GREM1: variants seen among roughly 807,000 people sequenced by gnomAD.
The protein encoded by GREM1 is gremlin 1, DAN family BMP antagonist.
GREM1 carries 6 observed loss-of-function variants against 13.1 expected under a neutral mutation model. That is an observed-to-expected ratio of 0.46 (90% CI 0.25 to 0.91). The LOEUF is 0.91. Among genes scored for constraint, GREM1 ranks in the 40% least tolerant of loss-of-function variants. GREM1 has a pLI of 0.18. For missense variants in GREM1, 185 were observed against 233.9 expected, an observed-to-expected ratio of 0.79 and a Z score of 1.36; for synonymous variants, 98 against 93.7, an observed-to-expected ratio of 1.05 and a Z score of -0.27.
In GREM1 at chr15:32,743,542, A is replaced by G. The variant is rs1016079781; in HGVS notation, c.*12297A>G. The G allele has an allele frequency of 6.6e-6, 1 of 152,290 alleles. No individual in the cohort carries two copies. Among genetic ancestry groups the G allele is most frequent in the African/African-American group, 2.4e-5 (1 of 41,460 alleles). 9.4% of individuals were successfully genotyped at this position (152,290 alleles called of 1,614,324 possible). On this transcript the variant is annotated 3_prime_UTR_variant, in exon 2 of 2. Transcript: ENST00000651154. ...TATCTCATGCATTTCTGATATAGAT[A>G]TAGGAGTGACTAATCTGGGTGGTTC...
chr15:32,721,655 G>A (rs2055410253), intron 1 of GREM1, among the ~76,000 whole-genome samples: 1 of 152,086 alleles, frequency 6.6e-6, no homozygotes, highest in Non-Finnish European at 1.5e-5. Context: ...TTGGGAGGCT[G>A]AGGCAGGAGA....
chr15:32,718,924 C>G (rs545253852), intron 1 of GREM1: 10 of 188,700 alleles, frequency 5.3e-5, no homozygotes, highest in East Asian at 2.8e-4. Flanking sequence ...CGCGCACGCC[C>G]GGGCTGAATG....
rs988827848 is a variant in GREM1, at chr15:32,742,221, A to AT, written c.*10983dup. 2.6e-4 allele frequency: 40 copies of AT among 152,124 alleles called. No homozygotes were observed. The highest frequency in any genetic ancestry group is 1.6e-3 in the Admixed American group (25 of 15,282). 9.4% of individuals were successfully genotyped at this position (152,124 alleles called of 1,614,324 possible). A position where few individuals can be genotyped will look rare whatever the true frequency, so the allele number is the denominator to read the frequency against. On this transcript the variant is annotated 3_prime_UTR_variant, in exon 2 of 2. Coordinates refer to ENST00000651154, the MANE Select transcript of GREM1 (RefSeq NM_013372.7). ...GTTAGAAAGTGTTCTCTCTTCTTTG[A>AT]TTTTTTTGGAAGAGTTTGAGAATAA...
chr15:32,733,844 G>GA lies in GREM1; in HGVS notation c.*2606dup, dbSNP rs1567115317. On this transcript the variant is annotated 3_prime_UTR_variant, in exon 2 of 2. Coordinates refer to ENST00000651154, the MANE Select transcript of GREM1 (RefSeq NM_013372.7). ...GTACACTTTGTGCTTGGCATTAAAA[G>GA]AAAAAAACACACATCCTGGAAGTCT... is the stretch of plus-strand genomic sequence containing the variant. 4 of 239,872 alleles carry GA rather than the reference G, an allele frequency of 1.7e-5. No homozygotes were observed. Among genetic ancestry groups the GA allele is most frequent in the South Asian group, 1.8e-4 (1 of 5,454 alleles). The allele number at this position is 239,872 out of a possible 1,614,324, so 14.9% of individuals were successfully genotyped here. A position where few individuals can be genotyped will look rare whatever the true frequency, so the allele number is the denominator to read the frequency against.
intron 1 of GREM1, 24 bp downstream of exon 1, chr15:32,718,185 G>T (rs1246391593): frequency 1.5e-6 from 2 of 1,340,782 alleles, no homozygotes; most frequent in East Asian, 3.6e-5. Flanking sequence ...CACCCGGCAG[G>T]GATGTGAGTG....
In GREM1 at chr15:32,730,552, G is replaced by C. The variant is rs926444612; in HGVS notation, c.-1-138G>C. ...GAGATAATAGTACCTAATTCATACA[G>C]GTACTGTGAGAAGTAAATGGAATAT... On this transcript the variant is annotated intron_variant, in intron 1 of 1. Coordinates refer to ENST00000651154, the MANE Select transcript of GREM1 (RefSeq NM_013372.7). The C allele has an allele frequency of 6.3e-5, 40 of 632,868 alleles. No homozygotes were observed. In the African/African-American group the frequency reaches 7.2e-4, roughly 11 times the overall value. The allele number at this position is 632,868 out of a possible 1,614,324, so 39.2% of individuals were successfully genotyped here.
In GREM1 at chr15:32,738,119, A is replaced by C. The variant is rs1355721373; in HGVS notation, c.*6874A>C. 6.8e-5 allele frequency: 9 copies of C among 131,876 alleles called. No homozygotes were observed. The highest frequency in any genetic ancestry group is 2.1e-4 in the East Asian group (1 of 4,742). 8.2% of individuals were successfully genotyped at this position (131,876 alleles called of 1,614,324 possible). ...AAAAAAAAAAAAAAAAAAAAAAAAAAAAAAAAAAAAAAAAGAAAAGAAAAA... is the reference window on the plus strand; with the variant it reads ...AAAAAAAAAAAAAAAAAAAAAAAAACAAAAAAAAAAAAAAGAAAAGAAAAA... On this transcript the variant is annotated 3_prime_UTR_variant, in exon 2 of 2. Coordinates refer to ENST00000651154, the MANE Select transcript of GREM1 (RefSeq NM_013372.7).
At position 32,718,106 on chromosome 15, in the gene GREM1, C is replaced by G; in HGVS notation, c.-57C>G. The G allele has an allele frequency of 7.9e-7, 1 of 1,259,618 alleles. No individual in the cohort carries two copies. The highest frequency in any genetic ancestry group is 1.0e-6 in the Non-Finnish European group (1 of 983,520). The allele number at this position is 1,259,618 out of a possible 1,614,324, so 78.0% of individuals were successfully genotyped here. On this transcript the variant is annotated 5_prime_UTR_variant, in exon 1 of 2. Coordinates refer to ENST00000651154, the MANE Select transcript of GREM1 (RefSeq NM_013372.7). ...GAGCCCCGGCGGCTCTGGCCGCGGC[C>G]GCACTCAGCGCCACGCGTCGAAAGC...
chr15:32,727,839 C>T (rs1376065319), intron 1 of GREM1, among the ~76,000 whole-genome samples: 4 of 152,156 alleles, frequency 2.6e-5, no homozygotes, highest in South Asian at 2.1e-4. Flanking sequence ...CATTCCTATA[C>T]ACCAATAATA....
In GREM1 at chr15:32,731,523, C is replaced by T; in HGVS notation, c.*278C>T. 1 of 454,916 alleles carries T rather than the reference C, an allele frequency of 2.2e-6. No individual in the cohort carries two copies. The highest frequency in any genetic ancestry group is 3.8e-5 in the East Asian group (1 of 26,248). The allele number at this position is 454,916 out of a possible 1,614,324, so 28.2% of individuals were successfully genotyped here. The stretch of plus-strand genomic sequence containing the variant: ...GGGGATGTACCAGAAACCCACCTCA[C>T]CCCGGCTCACATCTAAAGGGGCGGG... On this transcript the variant is annotated 3_prime_UTR_variant, in exon 2 of 2. Coordinates refer to ENST00000651154, the MANE Select transcript of GREM1 (RefSeq NM_013372.7).
At position 32,718,106 on chromosome 15, in the gene GREM1, C is replaced by T. The variant is rs1259263757; in HGVS notation, c.-57C>T. The T allele has an allele frequency of 9.5e-6, 12 of 1,259,618 alleles. No individual in the cohort carries two copies. In the South Asian group the frequency reaches 1.5e-4, roughly 16 times the overall value. The allele number at this position is 1,259,618 out of a possible 1,614,324, so 78.0% of individuals were successfully genotyped here. A position where few individuals can be genotyped will look rare whatever the true frequency, so the allele number is the denominator to read the frequency against. On this transcript the variant is annotated 5_prime_UTR_variant, in exon 1 of 2. Coordinates refer to ENST00000651154, the MANE Select transcript of GREM1 (RefSeq NM_013372.7). ...GAGCCCCGGCGGCTCTGGCCGCGGC[C>T]GCACTCAGCGCCACGCGTCGAAAGC...
chr15:32,734,041 T>C lies in GREM1; in HGVS notation c.*2796T>C, dbSNP rs922324563. 1.6e-5 allele frequency: 4 copies of C among 242,938 alleles called. No homozygotes were observed. The highest frequency in any genetic ancestry group is 6.6e-5 in the African/African-American group (3 of 45,130). 15.0% of individuals were successfully genotyped at this position (242,938 alleles called of 1,614,324 possible). A position where few individuals can be genotyped will look rare whatever the true frequency, so the allele number is the denominator to read the frequency against. On this transcript the variant is annotated 3_prime_UTR_variant, in exon 2 of 2. Transcript: ENST00000651154. ...GGTCACTGTGATTTCAAGCATGTTT[T>C]CTTTTTCTCCTTTATATGACTTTCT...
chr15:32,725,777 AT>A (rs2055491562), intron 1 of GREM1, among the ~76,000 whole-genome samples: 1 of 152,172 alleles, frequency 6.6e-6, no homozygotes, highest in Admixed American at 6.5e-5. Context: ...TAGGTCTTAC[AT>A]TTAAGTCTTT....
chr15:32,718,120 C>T lies in GREM1; in HGVS notation c.-43C>T. 7.8e-7 allele frequency: 1 copy of T among 1,278,080 alleles called. No homozygotes were observed. Among genetic ancestry groups the T allele is most frequent in the Middle Eastern group, 2.3e-4 (1 of 4,390 alleles). The allele number at this position is 1,278,080 out of a possible 1,614,324, so 79.2% of individuals were successfully genotyped here. A position where few individuals can be genotyped will look rare whatever the true frequency, so the allele number is the denominator to read the frequency against. On this transcript the variant is annotated 5_prime_UTR_variant, in exon 1 of 2. It adds an upstream start codon to the 5' untranslated region. Coordinates refer to ENST00000651154, the MANE Select transcript of GREM1 (RefSeq NM_013372.7). ...CTGGCCGCGGCCGCACTCAGCGCCA[C>T]GCGTCGAAAGCGCAGGCCCCGAGGA...
At chr15:32,718,269 G>C in intron 1 of GREM1, 108 bp downstream of exon 1, 1 of 869,196 alleles carries the variant, frequency 1.2e-6, no homozygotes, top group Non-Finnish European at 1.7e-6. Context: ...CGTGCGCGCA[G>C]GCTCGGGTGC....
chr15:32,719,265 T>A (rs2055362391), intron 1 of GREM1, among the ~76,000 whole-genome samples: 1 of 152,248 alleles, frequency 6.6e-6, no homozygotes, highest in Non-Finnish European at 1.5e-5. Context: ...GCCACCGCTC[T>A]CGCTTGGCAT....
intron 1 of GREM1, among the ~76,000 whole-genome samples, chr15:32,729,190 A>AT (rs11398589): frequency 0.48 from 72,496 of 150,992 alleles, 18,927 homozygotes; most frequent in Non-Finnish European, 0.58. Context: ...CGCCCGGCTA[A>AT]TTTTTTTGTA....
rs2055746975 is a variant in GREM1, at chr15:32,739,948, C to T, written c.*8703C>T. 1 of 152,246 alleles carries T rather than the reference C, an allele frequency of 6.6e-6. No homozygotes were observed. The highest frequency in any genetic ancestry group is 1.5e-5 in the Non-Finnish European group (1 of 68,080). The allele number at this position is 152,246 out of a possible 1,614,324, so 9.4% of individuals were successfully genotyped here. A position where few individuals can be genotyped will look rare whatever the true frequency, so the allele number is the denominator to read the frequency against. ...CTCTGACAGAATTGGTACTATCTAG[C>T]TACCTGGGGAAGGACAGAGACAGAG... On this transcript the variant is annotated 3_prime_UTR_variant, in exon 2 of 2. Transcript: ENST00000651154.
rs2055669322 is a variant in GREM1 at position 32,734,329 on chromosome 15, T to A, written c.*3084T>A. ...TGACTAGTTCACACATAAAGTCCTTTTAAGGAGAAAATCTAAAATGAAAAG... is the reference window on the plus strand; with the variant it reads ...TGACTAGTTCACACATAAAGTCCTTATAAGGAGAAAATCTAAAATGAAAAG... On this transcript the variant is annotated 3_prime_UTR_variant, in exon 2 of 2. Transcript: ENST00000651154. 4.1e-6 allele frequency: 1 copy of A among 246,084 alleles called. No individual in the cohort carries two copies. The highest frequency in any genetic ancestry group is 8.6e-6 in the Non-Finnish European group (1 of 116,956). The allele number at this position is 246,084 out of a possible 1,614,324, so 15.2% of individuals were successfully genotyped here.
Sources: gnomAD v4.1 joint callset for allele counts (sites outside exome capture counted in the v4.1 genomes callset) on GRCh38, gnomAD v4.1.1 for gene constraint, MANE v1.5 for transcripts, NCBI Gene and HGNC (gene_info 2026-07-23, HGNC 2026-07-21) for gene names.